Variants in MYLK observed in about 807,000 individuals in gnomAD.
The protein encoded by MYLK is myosin light chain kinase.
A neutral mutation model predicts 203.4 loss-of-function variants in MYLK; 106 were observed. The observed-to-expected ratio is 0.52, with a 90% CI of 0.45 to 0.61. The LOEUF is 0.61. Among genes scored for constraint, MYLK ranks in the 20% least tolerant of loss-of-function variants. The probability of loss-of-function intolerance (pLI) is 0.00; values close to 1 mark genes in which losing one functional copy is unlikely to be tolerated. For missense variants in MYLK, 2,072 were observed against 2,442.3 expected (o/e 0.85, Z 3.20); for synonymous variants, 867 against 959.5 (o/e 0.90, Z 1.78).
chr3:123,684,561 T>G (rs983501227), intron 19 of MYLK, among the ~76,000 whole-genome samples: 1 of 152,136 alleles, frequency 6.6e-6, no homozygotes, highest in African/African-American at 2.4e-5. Context: ...CCCTTTTTTT[T>G]TTTGAAATGG....
At chr3:123,690,870 G>C (rs941769992) in intron 19 of MYLK, among the ~76,000 whole-genome samples, 1 of 152,070 alleles carries the variant, frequency 6.6e-6, no homozygotes, top group Admixed American at 6.6e-5. Context: ...GATAAATAAT[G>C]ATGGTCATCA....
intron 2 of MYLK, among the ~76,000 whole-genome samples, chr3:123,857,330 A>G (rs2031488676): frequency 6.6e-6 from 1 of 152,102 alleles, no homozygotes; most frequent in Non-Finnish European, 1.5e-5. Context: ...TCATGCTGCT[A>G]TAAAGACACA....
intron 19 of MYLK, among the ~76,000 whole-genome samples, chr3:123,686,764 C>G (rs1218185616): frequency 2.6e-5 from 4 of 152,158 alleles, no homozygotes; most frequent in Admixed American, 2.0e-4. Context: ...TGATGGCTGA[C>G]ATTTACTGGG....
chr3:123,731,537 A>G (rs574142636), intron 11 of MYLK, among the ~76,000 whole-genome samples: 2 of 152,188 alleles, frequency 1.3e-5, no homozygotes, highest in African/African-American at 2.4e-5. Flanking sequence ...ATATGGATAC[A>G]TCACTAACTC....
intron 2 of MYLK, among the ~76,000 whole-genome samples, chr3:123,858,947 C>G (rs983947600): frequency 6.6e-6 from 1 of 152,080 alleles, no homozygotes; most frequent in African/African-American, 2.4e-5. Context: ...TCCCTAAAAC[C>G]GGTTATGCCC....
intron 2 of MYLK, among the ~76,000 whole-genome samples, chr3:123,857,323 T>C (rs1056415866): frequency 2.0e-5 from 3 of 152,114 alleles, no homozygotes; most frequent in African/African-American, 4.8e-5. Flanking sequence ...CTATAAATCA[T>C]GCTGCTATAA....
chr3:123,813,781 G>A (rs551637989), intron 3 of MYLK, among the ~76,000 whole-genome samples: 2 of 152,250 alleles, frequency 1.3e-5, no homozygotes, highest in South Asian at 4.1e-4. Flanking sequence ...AAAGTGCTGG[G>A]ATTACAGGCA....
At chr3:123,781,386 C>T (rs964401109) in intron 4 of MYLK, among the ~76,000 whole-genome samples, 2 of 152,218 alleles carry the variant, frequency 1.3e-5, no homozygotes, top group Non-Finnish European at 2.9e-5. Context: ...GGCCTGGCCT[C>T]ATCCTTCAGT....
intron 4 of MYLK, among the ~76,000 whole-genome samples, chr3:123,790,866 C>T (rs1354790336): frequency 2.0e-5 from 3 of 152,110 alleles, no homozygotes; most frequent in Admixed American, 2.0e-4. Context: ...CCACCGTGGG[C>T]GCAACTTCAC....
intron 16 of MYLK, among the ~76,000 whole-genome samples, chr3:123,704,814 G>A (rs1301978033): frequency 6.6e-6 from 1 of 151,794 alleles, no homozygotes; most frequent in African/African-American, 2.4e-5. Context: ...CAGCTACTCA[G>A]GAGGCTGAGG....
intron 2 of MYLK, among the ~76,000 whole-genome samples, chr3:123,867,327 T>C (rs568360943): frequency 6.6e-6 from 1 of 151,002 alleles, no homozygotes; most frequent in Admixed American, 6.7e-5. Context: ...CCTGTGAATG[T>C]GGCCTGGTTT....
chr3:123,857,304 C>A (rs1577134264), intron 2 of MYLK, among the ~76,000 whole-genome samples: 1 of 152,092 alleles, frequency 6.6e-6, no homozygotes. Flanking sequence ...TGGGTATATA[C>A]CCAAAGGACT....
At chr3:123,685,110 A>G (rs1380927830) in intron 19 of MYLK, among the ~76,000 whole-genome samples, 1 of 152,228 alleles carries the variant, frequency 6.6e-6, no homozygotes, top group Non-Finnish European at 1.5e-5. Flanking sequence ...TCACCACAGT[A>G]GAGGCCAAGA....
chr3:123,855,517 T>G (rs1369193489), intron 2 of MYLK, among the ~76,000 whole-genome samples: 1 of 152,010 alleles, frequency 6.6e-6, no homozygotes, highest in African/African-American at 2.4e-5. Flanking sequence ...CATGAGCCTG[T>G]AGTTCTAGCT....
At chr3:123,689,875 A>G (rs1448489390) in intron 19 of MYLK, among the ~76,000 whole-genome samples, 1 of 152,210 alleles carries the variant, frequency 6.6e-6, no homozygotes, top group Non-Finnish European at 1.5e-5. Flanking sequence ...AGACCCAAAC[A>G]CATGATTAAA....
At chr3:123,769,762 G>A (rs1485770354) in intron 4 of MYLK, among the ~76,000 whole-genome samples, 1 of 152,152 alleles carries the variant, frequency 6.6e-6, no homozygotes, top group Non-Finnish European at 1.5e-5. Context: ...TGGCTCACTG[G>A]TGAATTACCA....
intron 3 of MYLK, among the ~76,000 whole-genome samples, chr3:123,804,938 T>C (rs1277159988): frequency 6.6e-6 from 1 of 152,036 alleles, no homozygotes; most frequent in Non-Finnish European, 1.5e-5. Flanking sequence ...GGTCTTCCGC[T>C]TGGAAGAGGG....
At chr3:123,879,204 C>T (rs560414321) in intron 1 of MYLK, among the ~76,000 whole-genome samples, 7 of 152,196 alleles carry the variant, frequency 4.6e-5, no homozygotes, top group South Asian at 2.1e-4. Flanking sequence ...TATTTTTGAT[C>T]GAGTATAAAA....
At chr3:123,807,467 A>G (rs2065411105) in intron 3 of MYLK, among the ~76,000 whole-genome samples, 1 of 152,198 alleles carries the variant, frequency 6.6e-6, no homozygotes. Context: ...ATCTTATTAT[A>G]ACAAATACCT....
Sources: allele counts gnomAD v4.1 joint callset (sites outside exome capture counted in the v4.1 genomes callset), GRCh38; gene constraint gnomAD v4.1.1; transcripts MANE v1.5; gene names NCBI Gene and HGNC (gene_info 2026-07-23, HGNC 2026-07-21).